The following EYS variants were observed in gnomAD, a reference collection of about 807,000 sequenced individuals.
EYS encodes protein eyes shut homolog.
EYS carries 250 observed loss-of-function variants against 282.1 expected under a neutral mutation model. The observed-to-expected ratio is 0.89, with a 90% confidence interval of 0.80 to 0.98. EYS has a LOEUF of 0.98. Among genes scored for constraint, EYS ranks in the 50% least tolerant of loss-of-function variants. The pLI is 0.00. For missense variants in EYS, 4,016 were observed against 3,709.0 expected (o/e 1.08, Z -2.15); for synonymous variants, 1,355 against 1,282.9 (o/e 1.06, Z -1.20).
intron 35 of EYS, among the ~76,000 whole-genome samples, chr6:63,983,637 G>C (rs576591179): frequency 1.3e-5 from 2 of 151,774 alleles, no homozygotes; most frequent in South Asian, 4.1e-4. Flanking sequence ...AATATTTCCT[G>C]TGCAATTTGG....
chr6:63,779,501 T>C (rs1016602080), intron 39 of EYS, among the ~76,000 whole-genome samples: 2 of 150,494 alleles, frequency 1.3e-5, no homozygotes, highest in Non-Finnish European at 3.0e-5. Context: ...TACCCCAAGA[T>C]TGGATAAATA....
chr6:64,809,371 AAAT>A (rs1332201419), intron 22 of EYS, among the ~76,000 whole-genome samples: 1 of 152,268 alleles, frequency 6.6e-6, no homozygotes, highest in African/African-American at 2.4e-5. Flanking sequence ...CGATGAAAGA[AAAT>A]AATGAAAAAC....
intron 26 of EYS, among the ~76,000 whole-genome samples, chr6:64,562,354 T>G (rs1765424390): frequency 1.3e-5 from 2 of 151,980 alleles, no homozygotes; most frequent in African/African-American, 4.8e-5. Context: ...AAAATGTTCA[T>G]ATCTTTAATT....
chr6:64,860,767 AG>A (rs1766211186), intron 19 of EYS, among the ~76,000 whole-genome samples: 1 of 152,174 alleles, frequency 6.6e-6, no homozygotes, highest in Non-Finnish European at 1.5e-5. Context: ...TCCCATGCCC[AG>A]GAAGAAAGAG....
At chr6:64,549,454 C>G (rs1317854797) in intron 26 of EYS, among the ~76,000 whole-genome samples, 1 of 152,150 alleles carries the variant, frequency 6.6e-6, no homozygotes, top group Admixed American at 6.5e-5. Flanking sequence ...TTCCAACCAC[C>G]TCCACAGGAG....
chr6:64,498,078 T>C (rs9444893), intron 26 of EYS, among the ~76,000 whole-genome samples: 2,953 of 152,272 alleles, frequency 0.019, 46 homozygotes, highest in African/African-American at 0.046. Flanking sequence ...TTTCATTCTC[T>C]ATTTTGATTT....
chr6:63,730,303 T>G (rs1768750430), intron 41 of EYS, among the ~76,000 whole-genome samples: 1 of 152,236 alleles, frequency 6.6e-6, no homozygotes, highest in Admixed American at 6.5e-5. Context: ...ACTTTTTGTC[T>G]TAATCTCTTC....
At chr6:64,163,500 C>T (rs1775171164) in intron 31 of EYS, among the ~76,000 whole-genome samples, 1 of 151,866 alleles carries the variant, frequency 6.6e-6, no homozygotes, top group South Asian at 2.1e-4. Flanking sequence ...TATTTATTGC[C>T]TTGGTCAATA....
intron 22 of EYS, among the ~76,000 whole-genome samples, chr6:64,701,349 G>T (rs12111465): frequency 1.3e-5 from 2 of 152,026 alleles, no homozygotes; most frequent in Non-Finnish European, 2.9e-5. Flanking sequence ...CAAGAAAATA[G>T]ATAAATGAGA....
At chr6:65,095,181 C>A (rs1774704284) in intron 12 of EYS, among the ~76,000 whole-genome samples, 1 of 151,156 alleles carries the variant, frequency 6.6e-6, no homozygotes, top group African/African-American at 2.4e-5. Context: ...GAAAAAGATT[C>A]AATCAGTAAT....
chr6:64,865,965 G>T (rs953173999), intron 19 of EYS, among the ~76,000 whole-genome samples: 7 of 151,958 alleles, frequency 4.6e-5, no homozygotes, highest in African/African-American at 1.4e-4. Flanking sequence ...AAGTGGAACA[G>T]AAATCAGAAA....
At chr6:64,283,911 C>T (rs112216276) in intron 30 of EYS, among the ~76,000 whole-genome samples, 98 of 152,208 alleles carry the variant, frequency 6.4e-4, no homozygotes, top group African/African-American at 2.0e-3. Flanking sequence ...ACCGCCTCCA[C>T]GATTCAAATT....
chr6:64,335,460 AGAAATGTTGTAATGCTGCCTTT>A (rs1469779311), intron 29 of EYS, among the ~76,000 whole-genome samples: 2 of 152,098 alleles, frequency 1.3e-5, no homozygotes, highest in Non-Finnish European at 2.9e-5. Flanking sequence ...CAAGATGTAA[AGAAATGTTGTAATGCTGCCTTT>A]GTTTCTTGCT....
intron 5 of EYS, among the ~76,000 whole-genome samples, chr6:65,450,539 T>C (rs984702361): frequency 6.6e-6 from 1 of 152,128 alleles, no homozygotes; most frequent in Admixed American, 6.6e-5. Context: ...CCCAGTGATT[T>C]ATGAAGCTAA....
intron 26 of EYS, among the ~76,000 whole-genome samples, chr6:64,445,822 C>T (rs1014227643): frequency 2.0e-5 from 3 of 152,120 alleles, no homozygotes; most frequent in East Asian, 1.9e-4. Flanking sequence ...AACTGGGTGA[C>T]CAATGAAGCC....
chr6:64,598,462 AAAACAAAC>A (rs558580427), intron 24 of EYS, among the ~76,000 whole-genome samples: 5 of 152,348 alleles, frequency 3.3e-5, no homozygotes, highest in African/African-American at 1.2e-4. Context: ...CTCCGTCTCA[AAAACAAAC>A]AAACAAACAA....
chr6:64,250,651 GA>G (rs1313571988), intron 30 of EYS, among the ~76,000 whole-genome samples: 1 of 152,166 alleles, frequency 6.6e-6, no homozygotes, highest in East Asian at 1.9e-4. Flanking sequence ...TGATTACTGT[GA>G]GGAATCACAA....
chr6:64,478,538 T>G (rs1776344191), intron 26 of EYS, among the ~76,000 whole-genome samples: 1 of 151,470 alleles, frequency 6.6e-6, no homozygotes, highest in African/African-American at 2.4e-5. Flanking sequence ...CACTTCATTT[T>G]TTTAACTTCT....
At position 64,552,738 on chromosome 6, in the gene EYS, C is replaced by G. The variant is rs191108936; in HGVS notation, c.5644+37485G>C. On this transcript the variant is annotated intron_variant, in intron 26 of 42. Coordinates refer to ENST00000503581, the MANE Select transcript of EYS (RefSeq NM_001142800.2). The stretch of plus-strand genomic sequence containing the variant: ...GGCCAGCCTGGCCAACATGGTGAAC[C>G]CCCCCCACCATCTCTACTAAACATA... 1.1e-4 allele frequency among the ~76,000 whole-genome samples: 16 copies of G among 147,964 alleles called. No individual in the cohort carries two copies. In the South Asian group the frequency reaches 1.5e-3, roughly 14 times the overall value.
Sources: allele counts gnomAD v4.1 joint callset (sites outside exome capture counted in the v4.1 genomes callset), GRCh38; gene constraint gnomAD v4.1.1; transcripts MANE v1.5; gene names NCBI Gene and HGNC (gene_info 2026-07-23, HGNC 2026-07-21).